The following DOCK3 variants were observed in gnomAD, a reference collection of about 807,000 sequenced individuals.
DOCK3 encodes the protein dedicator of cytokinesis protein 3.
A neutral mutation model predicts 265.6 loss-of-function variants in DOCK3; 60 were observed. That is an observed-to-expected ratio of 0.23 (90% CI 0.18 to 0.28). The LOEUF is 0.28. Among genes scored for constraint, DOCK3 ranks in the 10% least tolerant of loss-of-function variants. The pLI, the probability that DOCK3 is intolerant of heterozygous loss-of-function variation, is 1.00. For missense variants in DOCK3, 1,981 were observed against 2,594.3 expected (o/e 0.76, Z 5.14); for synonymous variants, 881 against 938.0 (o/e 0.94, Z 1.11).
intron 1 of DOCK3, among the ~76,000 whole-genome samples, chr3:50,753,665 T>C (rs1483141480): frequency 1.3e-5 from 2 of 152,126 alleles, no homozygotes; most frequent in Non-Finnish European, 2.9e-5. Context: ...GTCTCACCCA[T>C]AGGCAAATAT....
In DOCK3 at chr3:51,090,314, T is replaced by C. The variant is rs149337164; in HGVS notation, c.676T>C (p.Tyr226His). 6.2e-7 allele frequency: 1 copy of C among 1,603,702 alleles called. No individual in the cohort carries two copies. Among genetic ancestry groups the C allele is most frequent in the African/African-American group, 1.3e-5 (1 of 74,874 alleles). The change falls in exon 9 of 53, where the codon TAC (tyrosine) becomes CAC (histidine). Residue 226 changes from tyrosine to histidine, a missense_variant. Coordinates refer to ENST00000266037, the MANE Select transcript of DOCK3 (RefSeq NM_004947.5). ...HFFLSLKSFT[Y>H]NTIGEDTDVF... Reference sequence around the variant, plus strand: ...CTTCCTCAGCCTGAAGAGTTTCACTTACAATACTATTGGGGAAGATACCGA... The same window carrying C: ...CTTCCTCAGCCTGAAGAGTTTCACTCACAATACTATTGGGGAAGATACCGA...
At chr3:50,950,958 ATCTC>A (rs35552377) in intron 5 of DOCK3, among the ~76,000 whole-genome samples, 11 of 149,982 alleles carry the variant, frequency 7.3e-5, no homozygotes, top group Non-Finnish European at 1.3e-4. Context: ...AACGGAGGGA[ATCTC>A]TCTCTCTCTC....
At chr3:50,834,919 G>A (rs1232518649) in intron 2 of DOCK3, among the ~76,000 whole-genome samples, 1 of 152,112 alleles carries the variant, frequency 6.6e-6, no homozygotes, top group African/African-American at 2.4e-5. Flanking sequence ...TATTGCATTA[G>A]TGTACTATTA....
intron 4 of DOCK3, among the ~76,000 whole-genome samples, chr3:50,894,272 T>G (rs1267064255): frequency 6.6e-6 from 1 of 152,028 alleles, no homozygotes. Flanking sequence ...ATCAGCAGAT[T>G]TCTCCGCCAA....
chr3:51,362,496 CTCTA>C, intron 48 of DOCK3, 27 bp from the exon 49 acceptor site: 1 of 1,611,320 alleles, frequency 6.2e-7, no homozygotes, highest in South Asian at 1.1e-5. Context: ...CCATTCAGAC[CTCTA>C]TCCTGCTGAT....
chr3:51,209,459 T>G (rs1274588098), intron 13 of DOCK3, among the ~76,000 whole-genome samples: 1 of 152,254 alleles, frequency 6.6e-6, no homozygotes, highest in East Asian at 1.9e-4. Flanking sequence ...CATATTATAT[T>G]GTTTTCTAAG....
At chr3:51,308,230 T>C (rs1424002833) in intron 27 of DOCK3, among the ~76,000 whole-genome samples, 1 of 149,254 alleles carries the variant, frequency 6.7e-6, no homozygotes, top group East Asian at 2.2e-4. Context: ...TTCTTTTTTT[T>C]TTTTTTTATT....
chr3:51,052,949 A>G (rs905818545), intron 5 of DOCK3, among the ~76,000 whole-genome samples: 2 of 151,658 alleles, frequency 1.3e-5, no homozygotes, highest in African/African-American at 4.8e-5. Flanking sequence ...ATTTAAAGTA[A>G]TAAATAGCAG....
chr3:50,722,911 A>G (rs570729644), intron 1 of DOCK3, among the ~76,000 whole-genome samples: 2 of 152,020 alleles, frequency 1.3e-5, no homozygotes, highest in African/African-American at 2.4e-5. Flanking sequence ...AGCTGGGACT[A>G]CAGGCACATG....
At chr3:50,899,319 C>T (rs1028455008) in intron 4 of DOCK3, among the ~76,000 whole-genome samples, 14 of 151,730 alleles carry the variant, frequency 9.2e-5, no homozygotes, top group African/African-American at 3.4e-4. Context: ...TTTCACTTTC[C>T]ATTTGCTTGG....
intron 3 of DOCK3, among the ~76,000 whole-genome samples, chr3:50,845,419 G>A (rs2046032660): frequency 6.6e-6 from 1 of 152,114 alleles, no homozygotes; most frequent in Non-Finnish European, 1.5e-5. Context: ...ATTGTGAACA[G>A]AATGCGTAGT....
At chr3:51,007,306 G>C (rs999353281) in intron 5 of DOCK3, among the ~76,000 whole-genome samples, 4 of 152,148 alleles carry the variant, frequency 2.6e-5, no homozygotes, top group African/African-American at 9.7e-5. Context: ...ACTTTTTAAT[G>C]ATCGCCATTT....
intron 9 of DOCK3, among the ~76,000 whole-genome samples, chr3:51,109,196 A>G (rs748900393): frequency 1.2e-4 from 19 of 152,224 alleles, no homozygotes; most frequent in Non-Finnish European, 2.4e-4. Context: ...ACAGAGCAAT[A>G]AAAATAGAAT....
At chr3:51,341,136 T>G in intron 37 of DOCK3, 101 bp from the exon 38 acceptor site, 1 of 1,400,652 alleles carries the variant, frequency 7.1e-7, no homozygotes, top group Non-Finnish European at 9.5e-7. Flanking sequence ...TGCACATGAC[T>G]TGCGCTGGCA....
chr3:51,267,308 C>T (rs529943393), intron 23 of DOCK3, among the ~76,000 whole-genome samples: 1 of 152,052 alleles, frequency 6.6e-6, no homozygotes, highest in South Asian at 2.1e-4. Flanking sequence ...CCAGCGATCC[C>T]ATTTCTGGCT....
chr3:50,831,181 C>T (rs1341685446), intron 2 of DOCK3, among the ~76,000 whole-genome samples: 5 of 140,696 alleles, frequency 3.6e-5, no homozygotes, highest in African/African-American at 1.0e-4. Context: ...TTTACTGCAA[C>T]CTGTTTTATT....
At chr3:51,168,763 G>A (rs2086530033) in intron 12 of DOCK3, among the ~76,000 whole-genome samples, 1 of 152,120 alleles carries the variant, frequency 6.6e-6, no homozygotes, top group African/African-American at 2.4e-5. Context: ...AAACTAGAGA[G>A]TCTGCATGGA....
At chr3:51,190,501 T>C (rs1201702042) in intron 12 of DOCK3, among the ~76,000 whole-genome samples, 1 of 152,196 alleles carries the variant, frequency 6.6e-6, no homozygotes, top group Non-Finnish European at 1.5e-5. Context: ...CAGGACCTCC[T>C]GGTTAGCCGG....
intron 27 of DOCK3, among the ~76,000 whole-genome samples, chr3:51,305,744 G>GTGTGTT (rs1553847793): frequency 6.7e-6 from 1 of 149,232 alleles, no homozygotes; most frequent in Non-Finnish European, 1.5e-5. Context: ...GCGTGTGTGT[G>GTGTGTT]TGTGTGTGTG....
Sources: allele counts gnomAD v4.1 joint callset (sites outside exome capture counted in the v4.1 genomes callset), GRCh38; gene constraint gnomAD v4.1.1; transcripts MANE v1.5; gene names NCBI Gene and HGNC (gene_info 2026-07-23, HGNC 2026-07-21).